Variants in ANXA5 observed in about 807,000 individuals in gnomAD.
ANXA5 encodes annexin A5.
Under a neutral mutation model 48.1 loss-of-function variants are expected in ANXA5, and 40 were observed. The ratio of observed to expected loss-of-function variants is 0.83; its 90% CI spans 0.65 to 1.08. ANXA5 has a LOEUF of 1.08. Ranked by LOEUF, ANXA5 falls within the 50% of genes least tolerant of loss-of-function variation. The pLI is 0.00. For synonymous variants in ANXA5, 113 were observed against 129.1 expected (o/e 0.88, Z 0.85); for missense variants, 357 against 376.8 (o/e 0.95, Z 0.44).
intron 2 of ANXA5, among the ~76,000 whole-genome samples, chr4:121,687,012 A>C (rs1425859611): frequency 6.6e-6 from 1 of 152,242 alleles, no homozygotes; most frequent in South Asian, 2.1e-4. Flanking sequence ...TTTCAAAAAA[A>C]ATTAGTGATA....
At chr4:121,694,215 T>C (rs1211432083) in intron 2 of ANXA5, among the ~76,000 whole-genome samples, 4 of 151,266 alleles carry the variant, frequency 2.6e-5, no homozygotes, top group Admixed American at 2.0e-4. Flanking sequence ...AACCTGCATG[T>C]TGTGCACACA....
At chr4:121,670,100 T>C in intron 10 of ANXA5, 88 bp from the exon 11 acceptor site, 1 of 912,118 alleles carries the variant, frequency 1.1e-6, no homozygotes, top group Non-Finnish European at 1.7e-6. Context: ...TTCCTGCTTA[T>C]AGCTCTACTT....
In ANXA5 at chr4:121,686,293, C is replaced by T. The variant is rs1724888263; in HGVS notation, c.89G>A (p.Gly30Asp). The change falls in exon 3 of 13, where the codon GGC (glycine) becomes GAC (aspartate). Residue 30 changes from glycine to aspartate, a missense_variant. Physicochemically the swap from Gly to Asp is moderately conservative, Grantham distance 94. Coordinates refer to ENST00000296511, the MANE Select transcript of ANXA5 (RefSeq NM_001154.4). Reference protein sequence around the residue: ...DAETLRKAMKGLGTDEESILT... With the variant: ...DAETLRKAMKDLGTDEESILT... ...AAAGAGGAAGCTAAATTTACCCAAG[C>T]CTTTCATAGCCTTCCGAAGAGTTTC... 1 of 1,613,402 alleles carries T rather than the reference C, an allele frequency of 6.2e-7. No individual in the cohort carries two copies. Among genetic ancestry groups the T allele is most frequent in the Non-Finnish European group, 8.5e-7 (1 of 1,179,652 alleles).
At chr4:121,683,229 C>G (rs1325200704) in intron 5 of ANXA5, 135 bp downstream of exon 5, 2 of 477,732 alleles carry the variant, frequency 4.2e-6, no homozygotes, top group Non-Finnish European at 7.4e-6. Context: ...TATTGCCTCC[C>G]AGTTTTGTCT....
chr4:121,669,231 G>A (rs910475539), intron 12 of ANXA5: 7 of 172,900 alleles, frequency 4.0e-5, no homozygotes, highest in South Asian at 1.5e-4. Flanking sequence ...GATAACAGAC[G>A]ATAAAGAAAG....
chr4:121,668,911 T>G (rs989368378), intron 12 of ANXA5, among the ~76,000 whole-genome samples: 3 of 150,632 alleles, frequency 2.0e-5, no homozygotes, highest in African/African-American at 7.3e-5. Context: ...CAGACATGCA[T>G]GATAAATTAA....
chr4:121,681,576 G>T, intron 6 of ANXA5, 95 bp downstream of exon 6: 2 of 685,970 alleles, frequency 2.9e-6, no homozygotes, highest in Non-Finnish European at 2.5e-6. Flanking sequence ...CATTTACTGC[G>T]TGCCTCCCAT....
At chr4:121,688,902 G>A (rs1055691740) in intron 2 of ANXA5, among the ~76,000 whole-genome samples, 3 of 152,108 alleles carry the variant, frequency 2.0e-5, no homozygotes, top group Admixed American at 6.6e-5. Flanking sequence ...TTGTCTCGTG[G>A]AGAGGTTATG....
At chr4:121,671,508 C>T (rs2306419) in intron 10 of ANXA5, 39 bp downstream of exon 10, 104,611 of 1,476,528 alleles carry the variant, frequency 0.071, 4,036 homozygotes, top group East Asian at 0.12. Flanking sequence ...TGCTTTAGCT[C>T]TTACCACCAA....
At chr4:121,689,983 G>A (rs1032778833) in intron 2 of ANXA5, among the ~76,000 whole-genome samples, 1 of 152,098 alleles carries the variant, frequency 6.6e-6, no homozygotes. Flanking sequence ...GTCAGCATAC[G>A]CCGGTAGTAG....
At position 121,680,253 on chromosome 4, in the gene ANXA5, C is replaced by CTGTG. The variant is rs1292792184; in HGVS notation, c.394+1414_394+1417dup. ...CCCTCTTTAAGACTGAACAGTACTC[C>CTGTG]TGTGTGTGTGTGTCTGTGTTTGTGT... On this transcript the variant is annotated intron_variant, in intron 6 of 12. Transcript: ENST00000296511. Among the ~76,000 whole-genome samples the CTGTG allele has an allele frequency of 4.0e-5, 6 of 151,716 alleles. No individual in the cohort carries two copies. In the South Asian group the frequency reaches 8.3e-4, roughly 21 times the overall value.
intron 9 of ANXA5, 128 bp downstream of exon 9, chr4:121,672,405 A>T (rs556979824): frequency 1.5e-6 from 1 of 646,192 alleles, no homozygotes; most frequent in South Asian, 2.0e-5. Flanking sequence ...CAGGTCACCA[A>T]AAGGAAGAAA....
chr4:121,668,498 A>T lies in ANXA5; in HGVS notation c.933T>A (p.Ala311=). ...KGDTSGDYKK[A]LLLLCGEDD Reference sequence around the variant, plus strand: ...CATCTTCTCCACAGAGCAGCAGAAGAGCTTTCTTATAGTCCCCAGATGTAT... The same window carrying T: ...CATCTTCTCCACAGAGCAGCAGAAGTGCTTTCTTATAGTCCCCAGATGTAT... The change falls in exon 13 of 13, where the codon GCT becomes GCA. Residue 311 remains alanine, a synonymous_variant. Transcript: ENST00000296511. The T allele has an allele frequency of 6.2e-7, 1 of 1,613,510 alleles. No individual in the cohort carries two copies. The highest frequency in any genetic ancestry group is 8.5e-7 in the Non-Finnish European group (1 of 1,179,576).
At position 121,678,407 on chromosome 4, in the gene ANXA5, C is replaced by A. The variant is rs374246149; in HGVS notation, c.474+8G>T. ...TTAATCAAACTGTAATTAATCTCCACGCAATACCTGAAGGAGAACCACCAA... is the reference window on the plus strand; with the variant it reads ...TTAATCAAACTGTAATTAATCTCCAAGCAATACCTGAAGGAGAACCACCAA... On this transcript the variant is annotated splice_region_variant and intron_variant, in intron 7 of 12. Coordinates refer to ENST00000296511, the MANE Select transcript of ANXA5 (RefSeq NM_001154.4). The A allele has an allele frequency of 3.1e-6, 5 of 1,610,536 alleles. No individual in the cohort carries two copies. Among genetic ancestry groups the A allele is most frequent in the East Asian group, 2.2e-5 (1 of 44,838 alleles).
intron 2 of ANXA5, among the ~76,000 whole-genome samples, chr4:121,695,959 TG>T (rs1725072861): frequency 6.6e-6 from 1 of 151,436 alleles, no homozygotes; most frequent in Admixed American, 6.6e-5. Flanking sequence ...TATCAATTTC[TG>T]AAACAGTCCC....
At chr4:121,689,496 G>T (rs1236099720) in intron 2 of ANXA5, among the ~76,000 whole-genome samples, 7 of 152,158 alleles carry the variant, frequency 4.6e-5, no homozygotes, top group African/African-American at 1.7e-4. Context: ...GACTATATTG[G>T]GAAGTGTGAA....
In ANXA5 at chr4:121,681,896, G is replaced by A. The variant is rs1724799717; in HGVS notation, c.304-135C>T. On this transcript the variant is annotated intron_variant, in intron 5 of 12. Coordinates refer to ENST00000296511, the MANE Select transcript of ANXA5 (RefSeq NM_001154.4). Reference sequence around the variant, plus strand: ...GTATAACATGGATTTCTTTGTATATGAGTTCTATTAGTTATAGAAATAACA... The same window carrying A: ...GTATAACATGGATTTCTTTGTATATAAGTTCTATTAGTTATAGAAATAACA... 5.1e-6 allele frequency: 3 copies of A among 582,920 alleles called. No individual in the cohort carries two copies. The Admixed American group carries it at 9.6e-5, about 19-fold the overall frequency. The allele number at this position is 582,920 out of a possible 1,614,324, so 36.1% of individuals were successfully genotyped here.
At chr4:121,684,884 T>C (rs767309769) in intron 3 of ANXA5, 113 bp from the exon 4 acceptor site, 1 of 768,772 alleles carries the variant, frequency 1.3e-6, no homozygotes, top group Non-Finnish European at 2.2e-6. Flanking sequence ...TATGCGAATA[T>C]AAAATATATT....
At chr4:121,684,900 G>T in intron 3 of ANXA5, 129 bp from the exon 4 acceptor site, 3 of 675,628 alleles carry the variant, frequency 4.4e-6, no homozygotes, top group Non-Finnish European at 7.4e-6. Flanking sequence ...ATATTTTATG[G>T]CCGGCGCAGT....
Sources: allele counts gnomAD v4.1 joint callset (sites outside exome capture counted in the v4.1 genomes callset), GRCh38; gene constraint gnomAD v4.1.1; transcripts MANE v1.5; gene names NCBI Gene and HGNC (gene_info 2026-07-23, HGNC 2026-07-21).